Variants in MACROD2 observed in about 807,000 individuals in gnomAD.
The protein encoded by MACROD2 is mono-ADP ribosylhydrolase 2, also known as ADP-ribose glycohydrolase MACROD2.
Under a neutral mutation model 70.4 loss-of-function variants are expected in MACROD2, and 36 were observed. That is an observed-to-expected ratio of 0.51 (90% CI 0.39 to 0.68). The LOEUF (loss-of-function observed/expected upper bound fraction) is 0.68. MACROD2 is among the 30% of genes least tolerant of loss of function. The pLI, the probability that MACROD2 is intolerant of heterozygous loss-of-function variation, is 0.00. For missense variants in MACROD2, 496 were observed against 538.4 expected (o/e 0.92, Z 0.78); for synonymous variants, 172 against 178.8 (o/e 0.96, Z 0.30).
intron 5 of MACROD2, among the ~76,000 whole-genome samples, chr20:14,823,097 A>G (rs765530166): frequency 7.2e-5 from 11 of 152,090 alleles, no homozygotes; most frequent in Non-Finnish European, 1.3e-4. Context: ...GCATGATTCT[A>G]TGATTATTTT....
chr20:16,018,487 C>T (rs2066959840), intron 15 of MACROD2, among the ~76,000 whole-genome samples: 1 of 152,112 alleles, frequency 6.6e-6, no homozygotes, highest in African/African-American at 2.4e-5. Flanking sequence ...CTTTTCCTTG[C>T]AGATGGTCTT....
chr20:15,207,162 A>G (rs2076716253), intron 5 of MACROD2, among the ~76,000 whole-genome samples: 2 of 152,010 alleles, frequency 1.3e-5, no homozygotes, highest in Non-Finnish European at 2.9e-5. Context: ...TATTTTTTCT[A>G]GTTTCCTGAT....
At chr20:14,549,017 GC>G (rs1978469737) in intron 4 of MACROD2, among the ~76,000 whole-genome samples, 1 of 152,144 alleles carries the variant, frequency 6.6e-6, no homozygotes, top group African/African-American at 2.4e-5. Context: ...GGCAAAGCAA[GC>G]CCACTCTAGT....
intron 10 of MACROD2, chr20:15,892,967 G>C (rs973632909): frequency 2.5e-6 from 1 of 398,862 alleles, no homozygotes; most frequent in Non-Finnish European, 4.4e-6. Flanking sequence ...CCTACAAAAA[G>C]AGCAAAGCAA....
At chr20:14,896,167 C>T (rs796129308) in intron 5 of MACROD2, among the ~76,000 whole-genome samples, 118 of 152,114 alleles carry the variant, frequency 7.8e-4, no homozygotes, top group African/African-American at 2.5e-3. Context: ...TGGTGGTGGG[C>T]GCCTGTAATA....
At chr20:14,836,903 A>G (rs2073035834) in intron 5 of MACROD2, among the ~76,000 whole-genome samples, 1 of 152,134 alleles carries the variant, frequency 6.6e-6, no homozygotes, top group Admixed American at 6.6e-5. Context: ...ATATTAGATG[A>G]TCCAAGAACT....
At chr20:15,603,549 A>G (rs934221646) in intron 8 of MACROD2, among the ~76,000 whole-genome samples, 1 of 151,598 alleles carries the variant, frequency 6.6e-6, no homozygotes, top group Admixed American at 6.6e-5. Flanking sequence ...CCATAAATCT[A>G]TTCATAGATA....
chr20:14,978,883 A>C (rs1335632854), intron 5 of MACROD2, among the ~76,000 whole-genome samples: 1 of 11,906 alleles, frequency 8.4e-5, no homozygotes, highest in African/African-American at 1.4e-4. Context: ...ATAATATATA[A>C]AATATATATA....
intron 5 of MACROD2, among the ~76,000 whole-genome samples, chr20:15,115,920 A>G (rs1402679268): frequency 1.3e-5 from 2 of 152,190 alleles, no homozygotes; most frequent in Admixed American, 6.5e-5. Context: ...GTGAGTGTGT[A>G]AAGACTTCTA....
chr20:15,584,772 G>A (rs2048574337), intron 8 of MACROD2, among the ~76,000 whole-genome samples: 1 of 152,182 alleles, frequency 6.6e-6, no homozygotes, highest in Admixed American at 6.5e-5. Context: ...CCAGGAGCAT[G>A]GGGCTGGCTG....
intron 8 of MACROD2, among the ~76,000 whole-genome samples, chr20:15,856,294 G>A (rs1270643867): frequency 6.6e-6 from 1 of 152,130 alleles, no homozygotes; most frequent in Non-Finnish European, 1.5e-5. Flanking sequence ...AAACGATTAA[G>A]CACTCTATAT....
intron 6 of MACROD2, among the ~76,000 whole-genome samples, chr20:15,318,967 T>C (rs1229538475): frequency 2.0e-5 from 3 of 152,050 alleles, no homozygotes; most frequent in Non-Finnish European, 4.4e-5. Flanking sequence ...AGACAGAGGA[T>C]GTAGGCAAGA....
At chr20:15,862,646 G>A (rs2064440128) in intron 8 of MACROD2, 99 bp from the exon 9 acceptor site, 7 of 901,824 alleles carry the variant, frequency 7.8e-6, no homozygotes, top group South Asian at 5.9e-5. Flanking sequence ...CCAAAAATCT[G>A]TATGAGGCCT....
At chr20:14,051,174 G>T (rs1006723582) in intron 2 of MACROD2, among the ~76,000 whole-genome samples, 4 of 152,046 alleles carry the variant, frequency 2.6e-5, no homozygotes, top group Non-Finnish European at 4.4e-5. Context: ...CACTAATAAT[G>T]GTTACCTTTT....
intron 2 of MACROD2, among the ~76,000 whole-genome samples, chr20:14,018,325 G>T (rs2053021774): frequency 6.6e-6 from 1 of 151,300 alleles, no homozygotes; most frequent in African/African-American, 2.4e-5. Context: ...GGTAGCTTTG[G>T]GTTTAGTTTG....
At chr20:15,195,779 G>A (rs2076602208) in intron 5 of MACROD2, among the ~76,000 whole-genome samples, 1 of 152,130 alleles carries the variant, frequency 6.6e-6, no homozygotes, top group South Asian at 2.1e-4. Flanking sequence ...ATGCATGCAT[G>A]CATATGTTCA....
At chr20:14,531,320 AG>A (rs2085300923) in intron 4 of MACROD2, among the ~76,000 whole-genome samples, 1 of 151,748 alleles carries the variant, frequency 6.6e-6, no homozygotes, top group South Asian at 2.1e-4. Flanking sequence ...TTTGAAACAC[AG>A]GGATACACAG....
intron 5 of MACROD2, among the ~76,000 whole-genome samples, chr20:15,227,366 T>TCTCCCTCCCTCTTTCCCTTC (rs2076916131): frequency 6.7e-6 from 1 of 149,846 alleles, no homozygotes; most frequent in African/African-American, 2.4e-5. Context: ...CTCCCTCCCT[T>TCTCCCTCCCTCTTTCCCTTC]CTCCCTCCCT....
chr20:14,302,336 G>A (rs923310619), intron 3 of MACROD2, among the ~76,000 whole-genome samples: 1 of 152,216 alleles, frequency 6.6e-6, no homozygotes, highest in Non-Finnish European at 1.5e-5. Flanking sequence ...TTCAAAGGCA[G>A]CAATGACTTA....
Sources: allele counts gnomAD v4.1 joint callset (sites outside exome capture counted in the v4.1 genomes callset), GRCh38; gene constraint gnomAD v4.1.1; transcripts MANE v1.5; gene names NCBI Gene and HGNC (gene_info 2026-07-23, HGNC 2026-07-21).